Variants in TSHZ2 observed in about 807,000 individuals in gnomAD.
TSHZ2 encodes teashirt zinc finger homeobox 2, also known as teashirt homolog 2.
TSHZ2 carries 21 observed loss-of-function variants against 74.4 expected under a neutral mutation model. The observed-to-expected ratio is 0.28, with a 90% confidence interval of 0.20 to 0.41. TSHZ2 has a LOEUF of 0.41. Ranked by LOEUF, TSHZ2 falls within the 10% of genes least tolerant of loss-of-function variation. The pLI is 1.00. For synonymous variants in TSHZ2, 540 were observed against 515.3 expected, an observed-to-expected ratio of 1.05 and a Z score of -0.65; for missense variants, 1,244 against 1,293.5, an observed-to-expected ratio of 0.96 and a Z score of 0.59.
At chr20:53,048,350 G>C (rs577195910) in intron 1 of TSHZ2, among the ~76,000 whole-genome samples, 12 of 152,078 alleles carry the variant, frequency 7.9e-5, no homozygotes, top group African/African-American at 2.9e-4. Flanking sequence ...CTTCTTAGCC[G>C]GAACTGCTTT....
At chr20:53,199,571 C>T (rs556054326) in intron 1 of TSHZ2, among the ~76,000 whole-genome samples, 102 of 152,304 alleles carry the variant, frequency 6.7e-4, no homozygotes, top group African/African-American at 2.3e-3. Context: ...CCAGAGACAG[C>T]GAAACTCCAG....
intron 2 of TSHZ2, among the ~76,000 whole-genome samples, chr20:53,333,363 A>G (rs1979804162): frequency 6.6e-6 from 1 of 152,174 alleles, no homozygotes; most frequent in Admixed American, 6.5e-5. Flanking sequence ...ACAATCTATT[A>G]AGCAGATTTT....
rs11908235 is a variant in TSHZ2 at position 53,469,064 on chromosome 20, T to C, written c.*9-18080T>C. Among the ~76,000 whole-genome samples, 638 of 123,430 alleles carry C rather than the reference T, an allele frequency of 5.2e-3. 17 individuals are homozygous for C. The highest frequency in any genetic ancestry group is 0.019 in the African/African-American group (596 of 31,666). 81.0% of individuals were successfully genotyped at this position (123,430 alleles called of 152,430 possible). A position where few individuals can be genotyped will look rare whatever the true frequency, so the allele number is the denominator to read the frequency against. ...GATATTTTATATATATATATATATA[T>C]ATATATATATATATATATATGTACA... On this transcript the variant is annotated intron_variant, in intron 2 of 2. Transcript: ENST00000371497.
chr20:53,084,934 G>GT (rs1338695581), intron 1 of TSHZ2, among the ~76,000 whole-genome samples: 1 of 152,040 alleles, frequency 6.6e-6, no homozygotes, highest in Admixed American at 6.6e-5. Context: ...TTATTAGATT[G>GT]TTAGGCCTAT....
Position 53,099,984 on chromosome 20 carries a change from G to A in TSHZ2, c.40+126651G>A, listed in dbSNP as rs140098444. Among the ~76,000 whole-genome samples the A allele has an allele frequency of 3.7e-3, 556 of 152,292 alleles. 4 individuals are homozygous for A. Among genetic ancestry groups the A allele is most frequent in the African/African-American group, 0.013 (520 of 41,560 alleles). On this transcript the variant is annotated intron_variant, in intron 1 of 2. Transcript: ENST00000371497. Reference sequence around the variant, plus strand: ...AGCAGCAGTGAAGGGGGAATGGAAGGAATCCACTTTTTGCCAAGTGAATAA... The same window carrying A: ...AGCAGCAGTGAAGGGGGAATGGAAGAAATCCACTTTTTGCCAAGTGAATAA...
chr20:53,137,526 A>G (rs1459544691), intron 1 of TSHZ2, among the ~76,000 whole-genome samples: 3 of 152,146 alleles, frequency 2.0e-5, no homozygotes, highest in Non-Finnish European at 4.4e-5. Context: ...CGTCTAGCCC[A>G]TCACAGTTGC....
chr20:53,360,765 G>A (rs1428601429), intron 2 of TSHZ2, among the ~76,000 whole-genome samples: 1 of 152,196 alleles, frequency 6.6e-6, no homozygotes, highest in African/African-American at 2.4e-5. Context: ...TACAGAGCTT[G>A]TAAACAATAG....
intron 1 of TSHZ2, among the ~76,000 whole-genome samples, chr20:53,075,505 C>T (rs1462086591): frequency 6.6e-6 from 1 of 151,986 alleles, no homozygotes; most frequent in East Asian, 1.9e-4. Flanking sequence ...ATAAAAGGAG[C>T]GACAAATCAG....
chr20:53,115,731 A>G (rs1600698475), intron 1 of TSHZ2, among the ~76,000 whole-genome samples: 1 of 152,142 alleles, frequency 6.6e-6, no homozygotes, highest in Non-Finnish European at 1.5e-5. Context: ...TTTGGGCAAA[A>G]CAAGGTGAGA....
intron 1 of TSHZ2, among the ~76,000 whole-genome samples, chr20:53,049,116 G>A (rs898720828): frequency 4.6e-5 from 7 of 152,130 alleles, no homozygotes; most frequent in Non-Finnish European, 8.8e-5. Flanking sequence ...TACAAAGGGC[G>A]TCAGGCCCTT....
At chr20:53,383,577 T>C (rs944981326) in intron 2 of TSHZ2, among the ~76,000 whole-genome samples, 8 of 152,050 alleles carry the variant, frequency 5.3e-5, no homozygotes, top group Admixed American at 4.6e-4. Flanking sequence ...CTGGCCAATA[T>C]GGTGAAACCC....
intron 2 of TSHZ2, among the ~76,000 whole-genome samples, chr20:53,288,328 C>CGGGAGGTGGA (rs752353634): frequency 2.7e-4 from 41 of 150,096 alleles, no homozygotes; most frequent in Admixed American, 5.3e-4. Context: ...TGCTTGAACC[C>CGGGAGGTGGA]GGGAGGTGGA....
At chr20:53,464,956 T>C (rs1043214980) in intron 2 of TSHZ2, among the ~76,000 whole-genome samples, 2 of 152,200 alleles carry the variant, frequency 1.3e-5, no homozygotes, top group Non-Finnish European at 2.9e-5. Context: ...TTTGAGGTGC[T>C]TTTACTTAAA....
chr20:53,098,566 T>A (rs1986124965), intron 1 of TSHZ2, among the ~76,000 whole-genome samples: 1 of 152,232 alleles, frequency 6.6e-6, no homozygotes. Flanking sequence ...ATGTTTAATG[T>A]GTAGAATTTT....
chr20:53,238,742 C>T (rs867082148), intron 1 of TSHZ2, among the ~76,000 whole-genome samples: 1 of 145,540 alleles, frequency 6.9e-6, no homozygotes, highest in African/African-American at 2.5e-5. Context: ...AATCTCTGTT[C>T]TGTTGTCTCC....
intron 1 of TSHZ2, among the ~76,000 whole-genome samples, chr20:53,206,069 A>G (rs190390106): frequency 6.6e-6 from 1 of 152,192 alleles, no homozygotes; most frequent in African/African-American, 2.4e-5. Flanking sequence ...AAATACAAAA[A>G]TTAGCCAGGT....
At chr20:53,045,614 C>G (rs1383838360) in intron 1 of TSHZ2, among the ~76,000 whole-genome samples, 1 of 152,200 alleles carries the variant, frequency 6.6e-6, no homozygotes, top group Non-Finnish European at 1.5e-5. Context: ...TTTGGATTGG[C>G]AACTTTTGAA....
intron 1 of TSHZ2, among the ~76,000 whole-genome samples, chr20:53,154,079 A>G (rs141368603): frequency 1.3e-5 from 2 of 152,372 alleles, no homozygotes; most frequent in East Asian, 3.9e-4. Flanking sequence ...GGAAAAATAA[A>G]TGCTATCTTT....
rs201487860 is a variant in TSHZ2, at chr20:53,269,807, AG to A, written c.*8+13237del. Reference sequence around the variant, plus strand: ...AAACTTAGAGTATAATAAAAAAAAAAGAAAAGAAAATCCATGTCATTGATAT... The same window carrying A: ...AAACTTAGAGTATAATAAAAAAAAAAAAAAGAAAATCCATGTCATTGATAT... On this transcript the variant is annotated intron_variant, in intron 2 of 2. Coordinates refer to ENST00000371497, the MANE Select transcript of TSHZ2 (RefSeq NM_173485.6). Among the ~76,000 whole-genome samples the A allele has an allele frequency of 9.8e-3, 1,444 of 147,848 alleles. 24 individuals carry two copies. Among genetic ancestry groups the A allele is most frequent in the African/African-American group, 0.033 (1,337 of 39,948 alleles).
Sources: allele counts gnomAD v4.1 joint callset (sites outside exome capture counted in the v4.1 genomes callset), GRCh38; gene constraint gnomAD v4.1.1; transcripts MANE v1.5; gene names NCBI Gene and HGNC (gene_info 2026-07-23, HGNC 2026-07-21).